Variants in AUTS2 observed in about 807,000 individuals in gnomAD.
The protein encoded by AUTS2 is activator of transcription and developmental regulator AUTS2.
In AUTS2, 17 loss-of-function variants were observed where a neutral mutation model predicts 112.4. That is an observed-to-expected ratio of 0.15 (90% confidence interval 0.10 to 0.23). The LOEUF is 0.23. Among genes scored for constraint, AUTS2 ranks in the 10% least tolerant of loss-of-function variants. AUTS2 has a pLI of 1.00. For synonymous variants in AUTS2, 751 were observed against 702.7 expected, an observed-to-expected ratio of 1.07 and a Z score of -1.09; for missense variants, 1,510 against 1,701.6, an observed-to-expected ratio of 0.89 and a Z score of 1.98.
Position 70,790,132 on chromosome 7 carries a change from G to T in AUTS2, c.2916G>T (p.Glu972Asp). 1.2e-6 allele frequency: 2 copies of T among 1,607,174 alleles called. No homozygotes were observed. The highest frequency in any genetic ancestry group is 1.7e-6 in the Non-Finnish European group (2 of 1,177,670). Residue 972 changes from glutamate to aspartate, a missense_variant, in exon 19 of 19, where the codon GAG (glutamate) becomes GAT (aspartate). Around this residue, in one of 3 missense-constraint regions of AUTS2, gnomAD observed 788 missense variants for 797.6 expected, o/e 0.99. Transcript: ENST00000342771. The surrounding 1 kb of genome is among the most constrained non-coding windows in gnomAD (Gnocchi z 7.6). ...CGCGCAAGGGTGAGCCGGCCTACGA[G>T]AACCCCAAGAAGAGCTCCGAGGTCA... ...AEPRKGEPAY[E>D]NPKKSSEVKV...
intron 5 of AUTS2, among the ~76,000 whole-genome samples, chr7:70,695,556 C>G (rs559836890): frequency 4.7e-4 from 71 of 152,324 alleles, no homozygotes; most frequent in African/African-American, 1.4e-3. Flanking sequence ...TCGAAAGCCC[C>G]CCTTCTCGCC....
intron 1 of AUTS2, among the ~76,000 whole-genome samples, chr7:69,876,417 A>G (rs1793782723): frequency 9.4e-6 from 1 of 106,524 alleles, no homozygotes; most frequent in Non-Finnish European, 1.8e-5. Context: ...TACATAATGT[A>G]TTTTATATTT....
intron 4 of AUTS2, among the ~76,000 whole-genome samples, chr7:70,157,163 T>C (rs1275260590): frequency 2.0e-5 from 3 of 152,078 alleles, no homozygotes; most frequent in Non-Finnish European, 2.9e-5. Flanking sequence ...TGTCACTTTT[T>C]AGTATTTTCT....
intron 4 of AUTS2, among the ~76,000 whole-genome samples, chr7:70,327,188 G>A (rs1790531247): frequency 1.3e-5 from 2 of 152,150 alleles, no homozygotes; most frequent in South Asian, 2.1e-4. Context: ...AAAGTGCTGG[G>A]ATTACAGGTG....
At chr7:69,601,147 GCA>G (rs932544345) in intron 1 of AUTS2, among the ~76,000 whole-genome samples, 13 of 151,238 alleles carry the variant, frequency 8.6e-5, no homozygotes, top group African/African-American at 3.2e-4. Context: ...CACACACCAT[GCA>G]CACACACACA....
chr7:69,900,222 C>G (rs998904742), intron 2 of AUTS2, among the ~76,000 whole-genome samples: 18 of 152,204 alleles, frequency 1.2e-4, no homozygotes, highest in Non-Finnish European at 2.9e-5. Flanking sequence ...AGCAGTTTTT[C>G]TGCACAAATC....
At position 70,633,914 on chromosome 7, in the gene AUTS2, G is replaced by A. The variant is rs1382442032; in HGVS notation, c.691-64655G>A. The stretch of plus-strand genomic sequence containing the variant: ...CATCATTGTCGGATGCTGGTGAAGG[G>A]TGATGGCTGTGTCAGGATTATTCTA... On this transcript the variant is annotated intron_variant, in intron 5 of 18. Transcript: ENST00000342771. Among the ~76,000 whole-genome samples, 4 of 152,130 alleles carry A rather than the reference G, an allele frequency of 2.6e-5. No homozygotes were observed. The East Asian group carries it at 5.8e-4, about 22-fold the overall frequency.
intron 1 of AUTS2, among the ~76,000 whole-genome samples, chr7:69,647,357 C>CT (rs200874078): frequency 0.15 from 20,930 of 142,572 alleles, 1,510 homozygotes; most frequent in Non-Finnish European, 0.16. Context: ...CTTTCACTAT[C>CT]TTTTTTTTTT....
intron 4 of AUTS2, among the ~76,000 whole-genome samples, chr7:70,203,882 G>T (rs1269168545): frequency 1.3e-5 from 2 of 151,084 alleles, no homozygotes; most frequent in Non-Finnish European, 2.9e-5. Flanking sequence ...TTTGTAGAGA[G>T]AAGAAGGGAG....
intron 4 of AUTS2, among the ~76,000 whole-genome samples, chr7:70,137,252 G>A (rs1584776806): frequency 6.6e-6 from 1 of 152,160 alleles, no homozygotes; most frequent in East Asian, 1.9e-4. Context: ...AATAGAGAAG[G>A]ATTGGAACAA....
At chr7:70,699,425 G>A (rs766519726) in intron 6 of AUTS2, 2 of 152,182 alleles carry the variant, frequency 1.3e-5, no homozygotes, top group Non-Finnish European at 2.9e-5. Flanking sequence ...GGTTACATGG[G>A]CGACACTTGG....
intron 5 of AUTS2, among the ~76,000 whole-genome samples, chr7:70,445,722 G>C (rs1796293181): frequency 6.6e-6 from 1 of 152,172 alleles, no homozygotes; most frequent in Non-Finnish European, 1.5e-5. Flanking sequence ...TTTGGACACA[G>C]AACTCAGTCT....
At chr7:70,723,820 A>G (rs1786844306) in intron 6 of AUTS2, among the ~76,000 whole-genome samples, 11 of 151,934 alleles carry the variant, frequency 7.2e-5, no homozygotes, top group Admixed American at 7.2e-4. Context: ...AAATTCTGAA[A>G]TAAAGATCAA....
chr7:70,782,581 T>C (rs1563196277), intron 15 of AUTS2: 2 of 152,220 alleles, frequency 1.3e-5, no homozygotes, highest in African/African-American at 4.8e-5. Flanking sequence ...CTTTTTTAAG[T>C]GTAATTTCTG....
chr7:69,993,724 C>G (rs946268378), intron 2 of AUTS2, among the ~76,000 whole-genome samples: 1 of 151,196 alleles, frequency 6.6e-6, no homozygotes, highest in Admixed American at 6.6e-5. Flanking sequence ...ATAGTGAGAC[C>G]CTGTCTTCCT....
chr7:70,590,849 T>C (rs11523676), intron 5 of AUTS2, among the ~76,000 whole-genome samples: 6,282 of 152,286 alleles, frequency 0.041, 139 homozygotes, highest in South Asian at 0.073. Flanking sequence ...CGTGTTGTTT[T>C]CCTCATTTAC....
intron 4 of AUTS2, among the ~76,000 whole-genome samples, chr7:70,395,163 A>G (rs1018915716): frequency 6.6e-6 from 1 of 151,908 alleles, no homozygotes; most frequent in East Asian, 1.9e-4. Flanking sequence ...CAGTTCTGTT[A>G]TAGCCTAAGG....
intron 4 of AUTS2, among the ~76,000 whole-genome samples, chr7:70,360,404 T>G (rs1328965091): frequency 1.3e-5 from 2 of 152,190 alleles, no homozygotes; most frequent in Admixed American, 1.3e-4. Flanking sequence ...TCTCCCAAAG[T>G]GCTGGGACTT....
chr7:69,747,395 T>G (rs1787540489), intron 1 of AUTS2, among the ~76,000 whole-genome samples: 1 of 151,636 alleles, frequency 6.6e-6, no homozygotes, highest in Non-Finnish European at 1.5e-5. Context: ...TCACACATGG[T>G]GTTAATAAGT....
Sources: allele counts gnomAD v4.1 joint callset (sites outside exome capture counted in the v4.1 genomes callset), GRCh38; gene constraint gnomAD v4.1.1; regional missense constraint gnomAD v4.1.1; non-coding constraint Gnocchi (gnomAD v3.1); transcripts MANE v1.5; gene names NCBI Gene and HGNC (gene_info 2026-07-23, HGNC 2026-07-21).